Variants in HMGCS2 observed in about 807,000 individuals in gnomAD.
The protein encoded by HMGCS2 is 3-hydroxy-3-methylglutaryl-CoA synthase 2.
Under a neutral mutation model 57.4 loss-of-function variants are expected in HMGCS2, and 50 were observed. The ratio of observed to expected loss-of-function variants is 0.87; its 90% CI spans 0.69 to 1.10. The LOEUF is 1.10. Ranked by LOEUF, HMGCS2 falls within the 50% of genes least tolerant of loss-of-function variation. HMGCS2 has a pLI of 0.00. For missense variants in HMGCS2, 627 were observed against 636.5 expected (o/e 0.99, Z 0.16); for synonymous variants, 254 against 245.1 (o/e 1.04, Z -0.34).
At chr1:119,766,391 G>C (rs1404394219) in intron 1 of HMGCS2, among the ~76,000 whole-genome samples, 1 of 152,152 alleles carries the variant, frequency 6.6e-6, no homozygotes, top group Non-Finnish European at 1.5e-5. Context: ...AACTCAGATT[G>C]AATGTGTCTA....
intron 9 of HMGCS2, among the ~76,000 whole-genome samples, chr1:119,750,171 T>C (rs1242433044): frequency 1.3e-5 from 2 of 152,226 alleles, no homozygotes; most frequent in Non-Finnish European, 2.9e-5. Flanking sequence ...CCAGCAGAAG[T>C]ATCTGGCTTT....
chr1:119,753,159 C>G (rs1303833404), intron 7 of HMGCS2, 121 bp downstream of exon 7: 1 of 724,246 alleles, frequency 1.4e-6, no homozygotes, highest in Non-Finnish European at 2.5e-6. Context: ...CAGTGATTTA[C>G]TTTGCTATTA....
intron 2 of HMGCS2, among the ~76,000 whole-genome samples, chr1:119,762,242 G>A (rs1653071085): frequency 1.3e-5 from 2 of 152,192 alleles, no homozygotes. Flanking sequence ...CCTAAGAGAT[G>A]AGGAATATTT....
At chr1:119,760,067 A>G in intron 2 of HMGCS2, 78 bp from the exon 3 acceptor site, 2 of 1,326,370 alleles carry the variant, frequency 1.5e-6, no homozygotes, top group Non-Finnish European at 2.2e-6. Context: ...TACCAGGCAC[A>G]ATTCTAGGTC....
intron 9 of HMGCS2, among the ~76,000 whole-genome samples, chr1:119,749,352 C>G (rs79296520): frequency 0.052 from 7,944 of 151,634 alleles, 295 homozygotes; most frequent in Non-Finnish European, 0.081. Context: ...TCTCTCTCCC[C>G]CTCCCGCTGA....
intron 8 of HMGCS2, among the ~76,000 whole-genome samples, chr1:119,751,633 C>A (rs587607988): frequency 6.6e-6 from 1 of 152,198 alleles, no homozygotes; most frequent in Non-Finnish European, 1.5e-5. Context: ...GTCTCAAACT[C>A]CTGGCCTCAA....
chr1:119,764,593 T>A lies in HMGCS2; in HGVS notation c.138A>T (p.Lys46Asn). Residue 46 changes from lysine (K) to asparagine (N), a missense_variant, in exon 2 of 10, where the codon AAA becomes AAT. Lys to Asn is a moderately conservative substitution (Grantham distance 94). Coordinates refer to ENST00000369406, the MANE Select transcript of HMGCS2 (RefSeq NM_005518.4). ...FSTASAVPLA[K>N]TDTWPKDVGI... ...CCACGTCCTTTGGCCAAGTATCTGT[T>A]TTGGCCAGGGGGACAGCAGAGGCTG... The A allele has an allele frequency of 6.2e-7, 1 of 1,614,128 alleles. No individual in the cohort carries two copies. The highest frequency in any genetic ancestry group is 8.5e-7 in the Non-Finnish European group (1 of 1,180,024).
chr1:119,756,441 C>CAG (rs1321154789), intron 5 of HMGCS2, among the ~76,000 whole-genome samples: 1 of 151,976 alleles, frequency 6.6e-6, no homozygotes, highest in African/African-American at 2.4e-5. Flanking sequence ...GTCTTACAAG[C>CAG]AGTGTTTGTG....
At chr1:119,757,714 C>A (rs2101259284) in intron 4 of HMGCS2, among the ~76,000 whole-genome samples, 1 of 152,320 alleles carries the variant, frequency 6.6e-6, no homozygotes, top group African/African-American at 2.4e-5. Context: ...ATATAATTTT[C>A]TTCATTTGCC....
intron 2 of HMGCS2, among the ~76,000 whole-genome samples, chr1:119,761,853 T>C (rs587713940): frequency 2.9e-4 from 44 of 152,312 alleles, no homozygotes; most frequent in Non-Finnish European, 6.0e-4. Context: ...AGATTTCTTA[T>C]AGTAAAAGAA....
Position 119,764,633 on chromosome 1 carries a change from T to G in HMGCS2, c.105-7A>C, listed in dbSNP as rs1175855181. On this transcript the variant is annotated splice_region_variant and splice_polypyrimidine_tract_variant and intron_variant, in intron 1 of 9. Coordinates refer to ENST00000369406, the MANE Select transcript of HMGCS2 (RefSeq NM_005518.4). ...AGCAGAGGCTGTAGAAAACCTGTGATGGAGATAACAGTCAAACTCCCACTA... is the reference window on the plus strand; with the variant it reads ...AGCAGAGGCTGTAGAAAACCTGTGAGGGAGATAACAGTCAAACTCCCACTA... 1.2e-6 allele frequency: 2 copies of G among 1,607,784 alleles called. No homozygotes were observed. The highest frequency in any genetic ancestry group is 8.5e-7 in the Non-Finnish European group (1 of 1,175,606).
At chr1:119,754,077 G>A (rs2101251335) in intron 6 of HMGCS2, among the ~76,000 whole-genome samples, 1 of 143,044 alleles carries the variant, frequency 7.0e-6, no homozygotes, top group East Asian at 2.1e-4. Context: ...TTTTTTTTGA[G>A]ACAGAGTCTC....
Position 119,764,353 on chromosome 1 carries a change from C to T in HMGCS2, c.378G>A (p.Arg126=), listed in dbSNP as rs1393101212. The change falls in exon 2 of 10, where the codon AGG becomes AGA. Residue 126 remains arginine, a synonymous_variant. Coordinates refer to ENST00000369406, the MANE Select transcript of HMGCS2 (RefSeq NM_005518.4). ...TGATGGTCTCAGTGCCTACTTCCAG[C>T]CTGCCCACAGAGTCCCATGGGAGCT... ...RIQLPWDSVG[R]LEVGTETIID... The T allele has an allele frequency of 1.2e-6, 2 of 1,614,254 alleles. No individual in the cohort carries two copies. Among genetic ancestry groups the T allele is most frequent in the Non-Finnish European group, 1.7e-6 (2 of 1,180,044 alleles).
chr1:119,757,416 G>A lies in HMGCS2; in HGVS notation c.873C>T (p.Thr291=). 1 of 1,614,108 alleles carries A rather than the reference G, an allele frequency of 6.2e-7. No individual in the cohort carries two copies. Among genetic ancestry groups the A allele is most frequent in the Non-Finnish European group, 8.5e-7 (1 of 1,179,966 alleles). Residue 291 remains threonine, a synonymous_variant, in exon 5 of 10, where the codon ACC becomes ACT. Coordinates refer to ENST00000369406, the MANE Select transcript of HMGCS2 (RefSeq NM_005518.4). ...WKQAGSDRPF[T]LDDLQYMIFH... ...AGATCATGTACTGTAAATCGTCAAGGGTGAAGGGTCGATCGCTGCCAGCTG... is the reference window on the plus strand; with the variant it reads ...AGATCATGTACTGTAAATCGTCAAGAGTGAAGGGTCGATCGCTGCCAGCTG...
intron 1 of HMGCS2, among the ~76,000 whole-genome samples, chr1:119,766,631 C>T (rs1419036109): frequency 1.3e-5 from 2 of 152,178 alleles, no homozygotes; most frequent in Non-Finnish European, 2.9e-5. Flanking sequence ...CAAATATTTA[C>T]GGAGGAGCTT....
At chr1:119,752,516 T>TCTCTCTTC in intron 8 of HMGCS2, 33 bp downstream of exon 8, 1 of 1,611,310 alleles carries the variant, frequency 6.2e-7, no homozygotes, top group Admixed American at 1.7e-5. Context: ...TGGAATGGGG[T>TCTCTCTTC]CTCTCTTCCT....
chr1:119,760,042 T>C (rs1652989779), intron 2 of HMGCS2, 53 bp from the exon 3 acceptor site: 1 of 1,524,398 alleles, frequency 6.6e-7, no homozygotes, highest in African/African-American at 1.4e-5. Flanking sequence ...TAGAGTAGAC[T>C]GAGTGCCTAC....
In HMGCS2 at chr1:119,751,273, C is replaced by G. The variant is rs193212680; in HGVS notation, c.1421-365G>C. Among the ~76,000 whole-genome samples, 4 of 152,226 alleles carry G rather than the reference C, an allele frequency of 2.6e-5. No homozygotes were observed. The East Asian group carries it at 7.7e-4, about 29-fold the overall frequency. ...CCTGTTTCCTAACAGACACGTCCTT[C>G]TAAACTCTAAATTTTCTGGTTCTGA... On this transcript the variant is annotated intron_variant, in intron 8 of 9. Coordinates refer to ENST00000369406, the MANE Select transcript of HMGCS2 (RefSeq NM_005518.4).
intron 5 of HMGCS2, among the ~76,000 whole-genome samples, chr1:119,756,444 T>A (rs1335431348): frequency 6.6e-6 from 1 of 152,122 alleles, no homozygotes; most frequent in Non-Finnish European, 1.5e-5. Flanking sequence ...TTACAAGCAG[T>A]GTTTGTGCTA....
Sources: gnomAD v4.1 joint callset for allele counts (sites outside exome capture counted in the v4.1 genomes callset) on GRCh38, gnomAD v4.1.1 for gene constraint, MANE v1.5 for transcripts, NCBI Gene and HGNC (gene_info 2026-07-23, HGNC 2026-07-21) for gene names.